The following INSR variants were observed in gnomAD, a reference collection of about 807,000 sequenced individuals.
INSR encodes IR.
Under a neutral mutation model 142.6 loss-of-function variants are expected in INSR, and 67 were observed. The observed-to-expected ratio is 0.47, with a 90% CI of 0.39 to 0.58. The LOEUF is 0.58. Ranked by LOEUF, INSR falls within the 20% of genes least tolerant of loss-of-function variation. The pLI is 0.00. For missense variants in INSR, 1,248 were observed against 1,833.2 expected, an observed-to-expected ratio of 0.68 and a Z score of 5.83; for synonymous variants, 756 against 743.1, an observed-to-expected ratio of 1.02 and a Z score of -0.28.
At chr19:7,194,154 C>T (rs1488545784) in intron 2 of INSR, among the ~76,000 whole-genome samples, 1 of 152,182 alleles carries the variant, frequency 6.6e-6, no homozygotes, top group Non-Finnish European at 1.5e-5. Flanking sequence ...CATGGTGGCT[C>T]ACGCCTGTAA....
chr19:7,233,917 G>A (rs73490756), intron 2 of INSR, among the ~76,000 whole-genome samples: 1 of 150,866 alleles, frequency 6.6e-6, no homozygotes, highest in Non-Finnish European at 1.5e-5. Flanking sequence ...ATCTCGTGAT[G>A]TGCCCGCATT....
chr19:7,222,199 C>T (rs148953250), intron 2 of INSR, among the ~76,000 whole-genome samples: 5 of 150,624 alleles, frequency 3.3e-5, no homozygotes, highest in Non-Finnish European at 5.9e-5. Flanking sequence ...GGAAAGAGGG[C>T]GACAGAGACT....
intron 6 of INSR, among the ~76,000 whole-genome samples, chr19:7,169,335 C>T (rs6510958): frequency 0.24 from 36,461 of 151,222 alleles, 4,521 homozygotes; most frequent in Middle Eastern, 0.3. Context: ...TTTGGGAGGC[C>T]GAGGCGGGAG....
chr19:7,152,170 C>G lies in INSR; in HGVS notation c.2231+556G>C, dbSNP rs1973382295. 2.1e-5 allele frequency: 4 copies of G among 191,268 alleles called. No individual in the cohort carries two copies. In the South Asian group the frequency reaches 3.9e-4, roughly 18 times the overall value. The allele number at this position is 191,268 out of a possible 1,614,324, so 11.8% of individuals were successfully genotyped here. On this transcript the variant is annotated intron_variant, in intron 10 of 21. Transcript: ENST00000302850. ...CTCTGGGAGGCCGAGGCAGGCAGAT[C>G]ACCTGAGGTCAGGGGTTAGAGACCA...
chr19:7,142,410 AAAAG>A (rs1973092879), intron 12 of INSR, among the ~76,000 whole-genome samples: 3 of 138,576 alleles, frequency 2.2e-5, no homozygotes, highest in African/African-American at 2.8e-5. Flanking sequence ...AAAAAAAAAA[AAAAG>A]GCCAGGTTCG....
At chr19:7,133,133 G>A (rs577869564) in intron 13 of INSR, among the ~76,000 whole-genome samples, 6 of 152,060 alleles carry the variant, frequency 3.9e-5, no homozygotes, top group South Asian at 2.1e-4. Flanking sequence ...ACGATGGTTC[G>A]CACCTGTAGT....
Position 7,166,327 on chromosome 19 carries a change from G to C in INSR, c.1688C>G (p.Pro563Arg). The change falls in exon 8 of 22, where the codon CCA becomes CGA. Residue 563 changes from proline to arginine, a missense_variant. By Grantham distance (103) the Pro-to-Arg change is moderately radical. This residue lies in a region of INSR where 1,069 missense variants were observed against 1,654.0 expected (regional missense o/e 0.65). Transcript: ENST00000302850. This position sits in a 1 kb window ranked among gnomAD's most constrained non-coding sequence, Gnocchi z 4.1. ...SNSWTVVDID[P>R]PLRSNDPKSQ... ...TTTGGGGTCGTTGGACCTCAGGGGT[G>C]GGTCAATGTCTACCACCGTCCAACT... 6.2e-7 allele frequency: 1 copy of C among 1,614,098 alleles called. No homozygotes were observed. Among genetic ancestry groups the C allele is most frequent in the South Asian group, 1.1e-5 (1 of 91,082 alleles).
At chr19:7,197,735 T>A (rs1421609171) in intron 2 of INSR, among the ~76,000 whole-genome samples, 2 of 127,500 alleles carry the variant, frequency 1.6e-5, no homozygotes, top group South Asian at 2.7e-4. Flanking sequence ...TGTGTGTGTG[T>A]GATTGGCAGG....
intron 2 of INSR, among the ~76,000 whole-genome samples, chr19:7,220,631 C>G (rs79674144): frequency 3.9e-5 from 6 of 152,180 alleles, no homozygotes; most frequent in African/African-American, 7.2e-5. Flanking sequence ...TAGGTAGGTT[C>G]GGTCTTGTTA....
intron 2 of INSR, among the ~76,000 whole-genome samples, chr19:7,207,274 G>A (rs1255551792): frequency 6.6e-6 from 1 of 152,020 alleles, no homozygotes. Context: ...AAATTAGCCA[G>A]GCATGGTGGC....
intron 1 of INSR, among the ~76,000 whole-genome samples, chr19:7,290,450 G>T (rs913016652): frequency 1.3e-5 from 2 of 151,732 alleles, no homozygotes; most frequent in African/African-American, 4.8e-5. Flanking sequence ...AAATCACACT[G>T]ATTTTCCTCC....
chr19:7,152,177 G>A (rs1973382545), intron 10 of INSR: 1 of 199,590 alleles, frequency 5.0e-6, no homozygotes, highest in South Asian at 8.3e-5. Flanking sequence ...GATCACCTGA[G>A]GTCAGGGGTT....
At chr19:7,278,626 A>T (rs892275976) in intron 1 of INSR, among the ~76,000 whole-genome samples, 2 of 152,208 alleles carry the variant, frequency 1.3e-5, no homozygotes, top group African/African-American at 4.8e-5. Flanking sequence ...TGGGAGGTCA[A>T]GGGGGGTGGA....
intron 2 of INSR, among the ~76,000 whole-genome samples, chr19:7,198,460 G>C (rs59165976): frequency 0.38 from 57,676 of 152,056 alleles, 11,186 homozygotes; most frequent in East Asian, 0.53. Flanking sequence ...GGCTCATCAA[G>C]CATCCACCGG....
intron 3 of INSR, among the ~76,000 whole-genome samples, chr19:7,179,304 G>T (rs1172844821): frequency 6.6e-6 from 1 of 152,224 alleles, no homozygotes; most frequent in Non-Finnish European, 1.5e-5. Flanking sequence ...TTAGTCAGAA[G>T]TGTGGGTGGC....
At chr19:7,153,206 C>A (rs1459879587) in intron 9 of INSR, among the ~76,000 whole-genome samples, 9 of 77,098 alleles carry the variant, frequency 1.2e-4, no homozygotes, top group South Asian at 4.8e-4. Context: ...ACCACACACA[C>A]CACACACCAC....
At chr19:7,288,265 C>T (rs558516894) in intron 1 of INSR, among the ~76,000 whole-genome samples, 34 of 151,900 alleles carry the variant, frequency 2.2e-4, no homozygotes, top group African/African-American at 6.8e-4. Flanking sequence ...ACCCAGGAGG[C>T]GGAGGCAAGC....
chr19:7,239,306 C>T (rs1976265793), intron 2 of INSR, among the ~76,000 whole-genome samples: 1 of 151,630 alleles, frequency 6.6e-6, no homozygotes, highest in African/African-American at 2.4e-5. Flanking sequence ...CCCCCCACCC[C>T]AAAACAGCTC....
At chr19:7,154,449 G>C (rs1973533717) in intron 9 of INSR, among the ~76,000 whole-genome samples, 1 of 149,078 alleles carries the variant, frequency 6.7e-6, no homozygotes, top group Non-Finnish European at 1.5e-5. Context: ...ACTACAGGCG[G>C]CCGCTGCCAC....
Sources: allele counts gnomAD v4.1 joint callset (sites outside exome capture counted in the v4.1 genomes callset), GRCh38; gene constraint gnomAD v4.1.1; regional missense constraint gnomAD v4.1.1; non-coding constraint Gnocchi (gnomAD v3.1); transcripts MANE v1.5; gene names NCBI Gene and HGNC (gene_info 2026-07-23, HGNC 2026-07-21).